The following KCNN2 variants were observed in gnomAD, a reference collection of about 807,000 sequenced individuals.
The protein encoded by KCNN2 is small conductance calcium-activated potassium channel protein 2.
A neutral mutation model predicts 55.5 loss-of-function variants in KCNN2; 24 were observed. The ratio of observed to expected loss-of-function variants is 0.43; its 90% CI spans 0.31 to 0.61. KCNN2 has a LOEUF of 0.61. Ranked by LOEUF, KCNN2 falls within the 20% of genes least tolerant of loss-of-function variation. The pLI, the probability that KCNN2 is intolerant of heterozygous loss-of-function variation, is 0.08. For missense variants in KCNN2, 754 were observed against 853.6 expected, an observed-to-expected ratio of 0.88 and a Z score of 1.45; for synonymous variants, 431 against 336.1, an observed-to-expected ratio of 1.28 and a Z score of -3.09.
At chr5:114,288,128 C>G (rs1755793399) in intron 2 of KCNN2, among the ~76,000 whole-genome samples, 1 of 152,148 alleles carries the variant, frequency 6.6e-6, no homozygotes, top group African/African-American at 2.4e-5. Flanking sequence ...GCTTCCATTA[C>G]TTAGCATAAG....
At chr5:114,393,882 A>G (rs1172679372) in intron 2 of KCNN2, among the ~76,000 whole-genome samples, 1 of 151,830 alleles carries the variant, frequency 6.6e-6, no homozygotes, top group Non-Finnish European at 1.5e-5. Flanking sequence ...TTTTATGGCC[A>G]TTCATAATTC....
intron 1 of KCNN2, among the ~76,000 whole-genome samples, chr5:114,160,501 C>T (rs1282239849): frequency 6.6e-6 from 1 of 152,112 alleles, no homozygotes. Flanking sequence ...GTGGAGAGTT[C>T]TGTAGATGTC....
chr5:114,440,155 T>C (rs1760154471), intron 3 of KCNN2, among the ~76,000 whole-genome samples: 1 of 151,908 alleles, frequency 6.6e-6, no homozygotes, highest in South Asian at 2.1e-4. Flanking sequence ...AAAAGAAACC[T>C]ACATGTAGAC....
chr5:114,171,658 G>C (rs1190071531), intron 1 of KCNN2, among the ~76,000 whole-genome samples: 1 of 137,624 alleles, frequency 7.3e-6, no homozygotes, highest in Non-Finnish European at 1.6e-5. Flanking sequence ...TGGAATTCCA[G>C]AGCCTCGCTT....
chr5:114,187,049 G>A (rs4616884), intron 1 of KCNN2, among the ~76,000 whole-genome samples: 1 of 151,984 alleles, frequency 6.6e-6, no homozygotes, highest in East Asian at 1.9e-4. Context: ...CATTAATTAA[G>A]GTTTACTTTA....
chr5:114,299,899 G>T (rs1217250399), intron 2 of KCNN2, among the ~76,000 whole-genome samples: 2 of 152,144 alleles, frequency 1.3e-5, no homozygotes, highest in East Asian at 1.9e-4. Context: ...TACACACAGG[G>T]TCATGTTGAA....
At chr5:114,135,595 G>T (rs1033025330) in intron 1 of KCNN2, among the ~76,000 whole-genome samples, 2 of 152,110 alleles carry the variant, frequency 1.3e-5, no homozygotes, top group Non-Finnish European at 1.5e-5. Flanking sequence ...CTAGCTACAT[G>T]CCCGTGTATA....
At chr5:114,325,868 T>A (rs1426413724) in intron 2 of KCNN2, among the ~76,000 whole-genome samples, 1 of 152,160 alleles carries the variant, frequency 6.6e-6, no homozygotes, top group Non-Finnish European at 1.5e-5. Context: ...CAGGAGTACT[T>A]CTGGTTCCTC....
chr5:114,441,882 A>G (rs1471330496), intron 3 of KCNN2, among the ~76,000 whole-genome samples: 1 of 152,218 alleles, frequency 6.6e-6, no homozygotes, highest in Non-Finnish European at 1.5e-5. Context: ...TCCCTCCAGA[A>G]TTCACACTGA....
At chr5:114,292,359 A>G (rs532714287) in intron 2 of KCNN2, among the ~76,000 whole-genome samples, 1 of 152,082 alleles carries the variant, frequency 6.6e-6, no homozygotes, top group Non-Finnish European at 1.5e-5. Context: ...ATCTTGAATT[A>G]ATTTTTGTAT....
intron 1 of KCNN2, among the ~76,000 whole-genome samples, chr5:114,173,112 A>G (rs994686947): frequency 6.6e-6 from 1 of 151,992 alleles, no homozygotes; most frequent in Non-Finnish European, 1.5e-5. Flanking sequence ...ATTTTTGTAT[A>G]TGGCAAGAGA....
chr5:114,133,810 G>A (rs1185868507), intron 1 of KCNN2, among the ~76,000 whole-genome samples: 2 of 152,160 alleles, frequency 1.3e-5, no homozygotes, highest in African/African-American at 4.8e-5. Flanking sequence ...CTTGTTGTAT[G>A]TATCTTTACC....
chr5:114,445,536 T>C (rs1760372518), intron 3 of KCNN2, among the ~76,000 whole-genome samples: 1 of 152,226 alleles, frequency 6.6e-6, no homozygotes, highest in Non-Finnish European at 1.5e-5. Context: ...TAAAACTATT[T>C]CTATGTAAGC....
In KCNN2 at chr5:114,414,247, G is replaced by A. The variant is rs1469404089; in HGVS notation, c.1637+9391G>A. Among the ~76,000 whole-genome samples, 10 of 152,052 alleles carry A rather than the reference G, an allele frequency of 6.6e-5. 1 individual carries two copies. Among genetic ancestry groups the A allele is most frequent in the Admixed American group, 5.2e-4 (8 of 15,276 alleles). ...GACATTTTATATCTTGCTGAGCTTC[G>A]ATGGATCTGCCTTCTATTATAATGT... On this transcript the variant is annotated intron_variant, in intron 3 of 7. Transcript: ENST00000673685.
chr5:114,260,694 C>T (rs1362972270), intron 2 of KCNN2, among the ~76,000 whole-genome samples: 1 of 152,200 alleles, frequency 6.6e-6, no homozygotes, highest in African/African-American at 2.4e-5. Context: ...TCCTTTAGCT[C>T]TCTTTTTCTG....
At chr5:114,447,043 A>T (rs997217645) in intron 3 of KCNN2, among the ~76,000 whole-genome samples, 1 of 152,198 alleles carries the variant, frequency 6.6e-6, no homozygotes, top group Non-Finnish European at 1.5e-5. Flanking sequence ...ACAGATATTG[A>T]ATATTTTCAT....
At chr5:114,377,620 T>C (rs775675010) in intron 2 of KCNN2, among the ~76,000 whole-genome samples, 3 of 152,186 alleles carry the variant, frequency 2.0e-5, no homozygotes, top group Non-Finnish European at 2.9e-5. Flanking sequence ...GGACGCCTTC[T>C]ATCTAGACAG....
chr5:114,259,773 C>T (rs1341528671), intron 2 of KCNN2, among the ~76,000 whole-genome samples: 2 of 152,124 alleles, frequency 1.3e-5, no homozygotes, highest in Non-Finnish European at 2.9e-5. Flanking sequence ...ATTTCTAGCC[C>T]GTCTCTACCA....
intron 3 of KCNN2, among the ~76,000 whole-genome samples, chr5:114,440,676 T>A (rs979705188): frequency 2.3e-4 from 1 of 4,426 alleles, no homozygotes; most frequent in African/African-American, 1.2e-3. Context: ...TCAGGGGAAG[T>A]GGGGTGGGGG....
Sources: allele counts gnomAD v4.1 joint callset (sites outside exome capture counted in the v4.1 genomes callset), GRCh38; gene constraint gnomAD v4.1.1; transcripts MANE v1.5; gene names NCBI Gene and HGNC (gene_info 2026-07-23, HGNC 2026-07-21).